POC5: variants seen among roughly 807,000 people sequenced by gnomAD.
The protein encoded by POC5 is POC5 centriolar protein.
In POC5, 48 loss-of-function variants were observed where a neutral mutation model predicts 62.9. The ratio of observed to expected loss-of-function variants is 0.76; its 90% CI spans 0.61 to 0.97. The LOEUF (loss-of-function observed/expected upper bound fraction) is 0.97, where lower values mean the gene tolerates loss of function less well. Ranked by LOEUF, POC5 falls within the 50% of genes least tolerant of loss-of-function variation. The pLI, the probability that POC5 is intolerant of heterozygous loss-of-function variation, is 0.00. For synonymous variants in POC5, 236 were observed against 228.2 expected, an observed-to-expected ratio of 1.03 and a Z score of -0.31; for missense variants, 696 against 679.5, an observed-to-expected ratio of 1.02 and a Z score of -0.27.
At chr5:75,702,952 T>A (rs970587062) in intron 4 of POC5, 142 bp from the exon 5 acceptor site, 2 of 647,406 alleles carry the variant, frequency 3.1e-6, no homozygotes, top group Non-Finnish European at 5.3e-6. Flanking sequence ...CAGGTGTACC[T>A]TAATCTATTT....
chr5:75,700,122 T>A (rs1393033927), intron 5 of POC5, among the ~76,000 whole-genome samples: 3 of 152,054 alleles, frequency 2.0e-5, no homozygotes, highest in Non-Finnish European at 4.4e-5. Context: ...AGAGTCAGTA[T>A]CGTGAAAATG....
At chr5:75,676,998 G>A (rs1263436667) in intron 11 of POC5, among the ~76,000 whole-genome samples, 3 of 152,010 alleles carry the variant, frequency 2.0e-5, no homozygotes, top group Non-Finnish European at 4.4e-5. Flanking sequence ...GTAACTTTCA[G>A]TAAGTTAAAT....
intron 2 of POC5, among the ~76,000 whole-genome samples, chr5:75,708,725 A>T (rs942449602): frequency 6.6e-6 from 1 of 152,218 alleles, no homozygotes; most frequent in African/African-American, 2.4e-5. Flanking sequence ...ATTGTTTTTT[A>T]AAAAAGCTTA....
chr5:75,685,225 A>G lies in POC5; in HGVS notation c.1389T>C (p.Thr463=), dbSNP rs1776050460. 3 of 1,613,080 alleles carry G rather than the reference A, an allele frequency of 1.9e-6. No homozygotes were observed. Among genetic ancestry groups the G allele is most frequent in the East Asian group, 4.5e-5 (2 of 44,874 alleles). ...TACTAACCATTTCTTCTGATGCAGC[A>G]GTAGCTGCAGATCCTGCACCAAGAG... The part of the protein sequence containing the change: ...VSALGAGSAA[T]AASEEMYVPR... Residue 463 remains threonine (T), a synonymous_variant, in exon 10 of 12, where the codon ACT becomes ACC. Transcript: ENST00000428202.
intron 4 of POC5, among the ~76,000 whole-genome samples, chr5:75,704,569 T>C (rs1465262847): frequency 6.6e-6 from 1 of 152,200 alleles, no homozygotes; most frequent in Non-Finnish European, 1.5e-5. Context: ...ACAATGTACA[T>C]GAATATTCTC....
chr5:75,685,067 C>T (rs10474443), intron 10 of POC5, 140 bp downstream of exon 10: 55,159 of 884,862 alleles, frequency 0.062, 2,890 homozygotes, highest in East Asian at 0.29. Context: ...CGGGGTTTCA[C>T]CGTGTTAGCC....
intron 4 of POC5, 116 bp from the exon 5 acceptor site, chr5:75,702,926 C>T: frequency 2.7e-6 from 2 of 750,512 alleles, no homozygotes; most frequent in Non-Finnish European, 4.3e-6. Context: ...AGAAAAAATG[C>T]AGAGAAACTA....
intron 11 of POC5, 25 bp from the exon 12 acceptor site, chr5:75,674,603 A>ATAAT (rs773346682): frequency 6.2e-7 from 1 of 1,610,014 alleles, no homozygotes; most frequent in African/African-American, 1.3e-5. Flanking sequence ...TTCTGCTTTA[A>ATAAT]TAATATCCCA....
chr5:75,700,115 G>A (rs1312034320), intron 5 of POC5, among the ~76,000 whole-genome samples: 5 of 152,034 alleles, frequency 3.3e-5, no homozygotes, highest in Non-Finnish European at 7.4e-5. Flanking sequence ...GGTAGGAAGA[G>A]TCAGTATCGT....
At chr5:75,677,612 T>G in intron 11 of POC5, 162 bp downstream of exon 11, 1 of 398,364 alleles carries the variant, frequency 2.5e-6, no homozygotes. Flanking sequence ...GAAAAACAAG[T>G]ATATATATTA....
At chr5:75,714,239 G>A (rs767585822) in intron 1 of POC5, among the ~76,000 whole-genome samples, 13 of 152,030 alleles carry the variant, frequency 8.6e-5, no homozygotes, top group Non-Finnish European at 1.6e-4. Context: ...ACAATTAGCC[G>A]AGCCTGGTGG....
At chr5:75,699,467 C>T (rs1223769187) in intron 5 of POC5, among the ~76,000 whole-genome samples, 3 of 150,826 alleles carry the variant, frequency 2.0e-5, no homozygotes, top group Admixed American at 2.0e-4. Context: ...AGACAAAAAC[C>T]ACATGATTAT....
intron 7 of POC5, 41 bp from the exon 8 acceptor site, chr5:75,690,603 TGATA>T (rs1776289350): frequency 7.0e-7 from 1 of 1,427,042 alleles, no homozygotes; most frequent in Non-Finnish European, 9.6e-7. Flanking sequence ...CACAGTTGAT[TGATA>T]AATATATTGG....
chr5:75,715,563 C>G (rs1046403078), intron 1 of POC5, among the ~76,000 whole-genome samples: 1 of 151,968 alleles, frequency 6.6e-6, no homozygotes, highest in Non-Finnish European at 1.5e-5. Flanking sequence ...GGGAAATCGC[C>G]CTTATAATCC....
chr5:75,694,771 C>G lies in POC5; in HGVS notation c.574G>C (p.Glu192Gln). 6.3e-7 allele frequency: 1 copy of G among 1,581,770 alleles called. No individual in the cohort carries two copies. Among genetic ancestry groups the G allele is most frequent in the Non-Finnish European group, 8.7e-7 (1 of 1,152,770 alleles). ...TGTTTTTCTTTCTCTTTTCTCATTT[C>G]CATTCGGTGCCAGTCAATAAAATTA... ...RLNFIDWHRM[E>Q]MRKEKEKHAA... Residue 192 changes from glutamate (E) to glutamine (Q), a missense_variant, in exon 6 of 12, where the codon GAA becomes CAA. Physicochemically the swap from Glu to Gln is conservative, Grantham distance 29. Transcript: ENST00000428202.
rs755069209 is a variant in POC5, at chr5:75,705,791, C to A, written c.224-4G>T. ...TCTCTTACTTCAGAGTTATTTCCTG[C>A]CAAAAAGAAAGCTTTTTAAAATTAA... On this transcript the variant is annotated splice_polypyrimidine_tract_variant and splice_region_variant and intron_variant, in intron 3 of 11. Coordinates refer to ENST00000428202, the MANE Select transcript of POC5 (RefSeq NM_001099271.2). 9 of 1,521,050 alleles carry A rather than the reference C, an allele frequency of 5.9e-6. No individual in the cohort carries two copies. The South Asian group carries it at 7.7e-5, about 13-fold the overall frequency. The allele number at this position is 1,521,050 out of a possible 1,614,324, so 94.2% of individuals were successfully genotyped here. A position where few individuals can be genotyped will look rare whatever the true frequency, so the allele number is the denominator to read the frequency against.
intron 5 of POC5, among the ~76,000 whole-genome samples, chr5:75,699,309 A>G (rs1275812000): frequency 6.6e-6 from 1 of 152,052 alleles, no homozygotes; most frequent in African/African-American, 2.4e-5. Context: ...CATTGATGCA[A>G]AAATCCTCAA....
At chr5:75,706,197 C>T (rs967155815) in intron 3 of POC5, among the ~76,000 whole-genome samples, 2 of 152,188 alleles carry the variant, frequency 1.3e-5, no homozygotes, top group Admixed American at 6.5e-5. Context: ...CATTTGCTTC[C>T]ACTTCAGGAA....
At chr5:75,689,803 TA>T (rs1292271506) in intron 8 of POC5, 2 of 314,954 alleles carry the variant, frequency 6.4e-6, no homozygotes, top group African/African-American at 4.5e-5. Context: ...GAATGGATTT[TA>T]TTTCATTTCA....
Sources: allele counts gnomAD v4.1 joint callset (sites outside exome capture counted in the v4.1 genomes callset), GRCh38; gene constraint gnomAD v4.1.1; transcripts MANE v1.5; gene names NCBI Gene and HGNC (gene_info 2026-07-23, HGNC 2026-07-21).